Variants in ADGRL2 observed in about 807,000 individuals in gnomAD.
The protein encoded by ADGRL2 is adhesion G protein-coupled receptor L2, also known as calcium-independent alpha-latrotoxin receptor 2.
In ADGRL2, 44 loss-of-function variants were observed where a neutral mutation model predicts 157.4. That is an observed-to-expected ratio of 0.28 (90% CI 0.22 to 0.36). The LOEUF (loss-of-function observed/expected upper bound fraction) is 0.36. ADGRL2 is among the 10% of genes least tolerant of loss of function. The probability of loss-of-function intolerance (pLI) is 1.00; values close to 1 mark genes in which losing one functional copy is unlikely to be tolerated. For missense variants in ADGRL2, 1,510 were observed against 1,768.9 expected (o/e 0.85, Z 2.63); for synonymous variants, 585 against 624.7 (o/e 0.94, Z 0.95).
chr1:81,904,951 G>A (rs907951300), intron 2 of ADGRL2, among the ~76,000 whole-genome samples: 5 of 152,054 alleles, frequency 3.3e-5, no homozygotes, highest in Admixed American at 2.6e-4. Flanking sequence ...GCCACACTGA[G>A]GACTAAGCCT....
chr1:81,977,466 A>T (rs1660500812), intron 17 of ADGRL2, among the ~76,000 whole-genome samples: 1 of 151,714 alleles, frequency 6.6e-6, no homozygotes, highest in Non-Finnish European at 1.5e-5. Context: ...GTATTTTTAT[A>T]TTGGTAGATT....
chr1:81,511,774 T>C (rs1280082640), intron 2 of ADGRL2, among the ~76,000 whole-genome samples: 1 of 152,116 alleles, frequency 6.6e-6, no homozygotes, highest in East Asian at 1.9e-4. Flanking sequence ...TGGACCAAAT[T>C]ATAGAGAAAA....
intron 1 of ADGRL2, among the ~76,000 whole-genome samples, chr1:81,807,666 T>C (rs1215523258): frequency 6.6e-6 from 1 of 151,832 alleles, no homozygotes; most frequent in East Asian, 1.9e-4. Flanking sequence ...GTAACAAGGG[T>C]CTGTCAACCC....
chr1:81,365,440 A>T (rs2076048501), intron 1 of ADGRL2, among the ~76,000 whole-genome samples: 1 of 152,206 alleles, frequency 6.6e-6, no homozygotes. Context: ...TTGTCCCTCA[A>T]GTCAGATATA....
intron 2 of ADGRL2, among the ~76,000 whole-genome samples, chr1:81,555,690 T>C (rs1234218911): frequency 6.6e-6 from 1 of 152,048 alleles, no homozygotes; most frequent in Non-Finnish European, 1.5e-5. Context: ...GGAGGTTAAG[T>C]AGTCAATGAT....
At chr1:81,483,511 G>C in intron 2 of ADGRL2, among the ~76,000 whole-genome samples, 1 of 152,116 alleles carries the variant, frequency 6.6e-6, no homozygotes, top group Non-Finnish European at 1.5e-5. Flanking sequence ...TCTATTTCAA[G>C]TAATTCATTA....
At chr1:81,549,606 ATCC>A (rs1218207600) in intron 2 of ADGRL2, among the ~76,000 whole-genome samples, 1 of 152,212 alleles carries the variant, frequency 6.6e-6, no homozygotes, top group Admixed American at 6.5e-5. Flanking sequence ...TAAATAAGCA[ATCC>A]TCCTGGAATC....
intron 2 of ADGRL2, among the ~76,000 whole-genome samples, chr1:81,556,891 C>A (rs2080292701): frequency 6.6e-6 from 1 of 151,818 alleles, no homozygotes; most frequent in Non-Finnish European, 1.5e-5. Flanking sequence ...GCCTGACCGA[C>A]ATGGTGAAAC....
At chr1:81,632,543 G>C (rs1327691190) in intron 3 of ADGRL2, among the ~76,000 whole-genome samples, 1 of 152,126 alleles carries the variant, frequency 6.6e-6, no homozygotes, top group African/African-American at 2.4e-5. Context: ...CAGATCATGA[G>C]GTCAGGAGAT....
chr1:81,597,955 T>A (rs906008301), intron 3 of ADGRL2, among the ~76,000 whole-genome samples: 54 of 152,214 alleles, frequency 3.5e-4, no homozygotes, highest in African/African-American at 1.3e-3. Flanking sequence ...GGGTACACAA[T>A]GCTGCCCAGT....
chr1:81,770,287 C>T (rs1385199905), intron 2 of ADGRL2, among the ~76,000 whole-genome samples: 1 of 151,390 alleles, frequency 6.6e-6, no homozygotes, highest in East Asian at 1.9e-4. Flanking sequence ...CTCAGCCTCC[C>T]AAGTAGCTGG....
intron 1 of ADGRL2, among the ~76,000 whole-genome samples, chr1:81,393,901 C>T (rs2076606221): frequency 6.9e-6 from 1 of 145,776 alleles, no homozygotes; most frequent in Non-Finnish European, 1.5e-5. Context: ...AAAGTATTAA[C>T]ATACTCATTA....
chr1:81,681,600 A>G lies in ADGRL2; in HGVS notation c.-142-80211A>G, dbSNP rs189901918. Among the ~76,000 whole-genome samples the G allele has an allele frequency of 2.0e-5, 3 of 152,352 alleles. No individual in the cohort carries two copies. The East Asian group carries it at 5.8e-4, about 29-fold the overall frequency. On this transcript the variant is annotated intron_variant, in intron 3 of 24. Transcript: ENST00000370721. ...AGAGCTAACAAGTTTGCTTTTACAC[A>G]GAGCTTTCCAAAAGCAATCTGTGTA...
intron 3 of ADGRL2, among the ~76,000 whole-genome samples, chr1:81,661,210 G>A (rs1331677561): frequency 6.6e-6 from 1 of 151,848 alleles, no homozygotes; most frequent in African/African-American, 2.4e-5. Flanking sequence ...TCTTTATTGT[G>A]CCCCTAGGAA....
intron 2 of ADGRL2, among the ~76,000 whole-genome samples, chr1:81,509,400 A>G (rs1370708349): frequency 1.3e-5 from 2 of 151,870 alleles, no homozygotes; most frequent in Non-Finnish European, 2.9e-5. Context: ...TTCCTGGCAC[A>G]TTCCTTTTAC....
At chr1:81,432,784 A>T (rs563852048) in intron 1 of ADGRL2, among the ~76,000 whole-genome samples, 2 of 152,258 alleles carry the variant, frequency 1.3e-5, no homozygotes, top group Non-Finnish European at 2.9e-5. Context: ...CTGACAGGAA[A>T]GTTTCAAGAG....
At chr1:81,858,824 G>C (rs2093295473) in intron 2 of ADGRL2, among the ~76,000 whole-genome samples, 1 of 152,120 alleles carries the variant, frequency 6.6e-6, no homozygotes, top group Non-Finnish European at 1.5e-5. Context: ...GTAATATAAA[G>C]TGCGCCATTT....
At chr1:81,852,498 A>G (rs534528905) in intron 2 of ADGRL2, among the ~76,000 whole-genome samples, 22 of 152,296 alleles carry the variant, frequency 1.4e-4, no homozygotes, top group African/African-American at 5.3e-4. Flanking sequence ...TTAATAATGA[A>G]GAGAATAAGA....
chr1:81,566,696 G>A (rs1426090703), intron 2 of ADGRL2, among the ~76,000 whole-genome samples: 1 of 152,090 alleles, frequency 6.6e-6, no homozygotes, highest in East Asian at 1.9e-4. Context: ...TTACAGGAAA[G>A]CCTAAGAAAG....
Sources: gnomAD v4.1 joint callset for allele counts (sites outside exome capture counted in the v4.1 genomes callset) on GRCh38, gnomAD v4.1.1 for gene constraint, MANE v1.5 for transcripts, NCBI Gene and HGNC (gene_info 2026-07-23, HGNC 2026-07-21) for gene names.